HBS1L: variants seen among roughly 807,000 people sequenced by gnomAD.
HBS1L encodes the protein HBS1-like protein.
HBS1L carries 55 observed loss-of-function variants against 88.9 expected under a neutral mutation model. The observed-to-expected ratio is 0.62, with a 90% confidence interval of 0.50 to 0.77. The LOEUF is 0.77. Ranked by LOEUF, HBS1L falls within the 30% of genes least tolerant of loss-of-function variation. The pLI, the probability that HBS1L is intolerant of heterozygous loss-of-function variation, is 0.00. For synonymous variants in HBS1L, 267 were observed against 288.5 expected (o/e 0.93, Z 0.76); for missense variants, 741 against 829.3 (o/e 0.89, Z 1.31).
intron 4 of HBS1L, chr6:135,036,533 C>T (rs1343871574): frequency 6.3e-6 from 9 of 1,438,934 alleles, no homozygotes; most frequent in African/African-American, 1.4e-5. Context: ...AGCTCTACAA[C>T]AGCAATCAAG....
intron 2 of HBS1L, among the ~76,000 whole-genome samples, chr6:135,048,341 A>G (rs1583162904): frequency 6.6e-6 from 1 of 152,102 alleles, no homozygotes; most frequent in Non-Finnish European, 1.5e-5. Context: ...AGACAACACG[A>G]CCAGCCAGTA....
chr6:135,002,601 C>T (rs1396348897), intron 5 of HBS1L, 133 bp downstream of exon 5: 7 of 588,802 alleles, frequency 1.2e-5, no homozygotes. Flanking sequence ...CTATGTTATA[C>T]TGAGGATATA....
intron 1 of HBS1L, among the ~76,000 whole-genome samples, chr6:135,053,497 T>C (rs1032821057): frequency 2.0e-5 from 3 of 152,182 alleles, no homozygotes; most frequent in Admixed American, 6.5e-5. Context: ...TCTAAAGTCA[T>C]TTCTTAGGTG....
In HBS1L at chr6:134,978,668, T is replaced by C. The variant is rs1383902434; in HGVS notation, c.1797+11A>G. On this transcript the variant is annotated intron_variant, in intron 15 of 17. Transcript: ENST00000367837. The stretch of plus-strand genomic sequence containing the variant: ...ATAAAAACAGGAATAATAAAACATT[T>C]TGGAACTTACAGGAAATCCTTTAGT... 7.1e-7 allele frequency: 1 copy of C among 1,412,114 alleles called. No individual in the cohort carries two copies. Among genetic ancestry groups the C allele is most frequent in the East Asian group, 2.3e-5 (1 of 43,572 alleles). 87.5% of individuals were successfully genotyped at this position (1,412,114 alleles called of 1,614,324 possible).
intron 12 of HBS1L, chr6:134,983,365 CA>C (rs1395946422): frequency 6.6e-6 from 1 of 151,972 alleles, no homozygotes; most frequent in African/African-American, 2.4e-5. Context: ...GAGGCTGATA[CA>C]AATGCACAAA....
At chr6:135,051,938 G>T (rs1041480) in intron 1 of HBS1L, among the ~76,000 whole-genome samples, 70,912 of 152,036 alleles carry the variant, frequency 0.47, 16,870 homozygotes, top group South Asian at 0.56. Context: ...ACAAGATAAT[G>T]GGCAATTACA....
In HBS1L at chr6:135,036,519, A is replaced by G; in HGVS notation, c.430+3054T>C. 3.5e-6 allele frequency: 5 copies of G among 1,409,646 alleles called. No individual in the cohort carries two copies. The East Asian group carries it at 1.3e-4, about 36-fold the overall frequency. The allele number at this position is 1,409,646 out of a possible 1,614,324, so 87.3% of individuals were successfully genotyped here. ...TCCTCTGAAGACTTTAATTAAAAAT[A>G]AAAAGCTCTACAACAGCAATCAAGT... On this transcript the variant is annotated intron_variant, in intron 4 of 17. Coordinates refer to ENST00000367837, the MANE Select transcript of HBS1L (RefSeq NM_006620.4).
intron 9 of HBS1L, among the ~76,000 whole-genome samples, chr6:134,987,239 G>A (rs1481027024): frequency 6.6e-6 from 1 of 151,804 alleles, no homozygotes; most frequent in East Asian, 1.9e-4. Context: ...AAAAGCAGAT[G>A]ATAAAACAGA....
rs894949535 is a variant in HBS1L at position 134,964,751 on chromosome 6, G to C, written c.*528C>G. Reference sequence around the variant, plus strand: ...TTTCACAAGTTTACTTGTTTGGGGAGGGACATTCTTATGGTCACCACAAAA... The same window carrying C: ...TTTCACAAGTTTACTTGTTTGGGGACGGACATTCTTATGGTCACCACAAAA... On this transcript the variant is annotated 3_prime_UTR_variant, in exon 18 of 18. Coordinates refer to ENST00000367837, the MANE Select transcript of HBS1L (RefSeq NM_006620.4). The C allele has an allele frequency of 2.7e-5, 4 of 150,148 alleles. No individual in the cohort carries two copies. Among genetic ancestry groups the C allele is most frequent in the African/African-American group, 7.4e-5 (3 of 40,746 alleles). The allele number at this position is 150,148 out of a possible 1,614,324, so 9.3% of individuals were successfully genotyped here.
intron 7 of HBS1L, among the ~76,000 whole-genome samples, chr6:134,994,294 G>A (rs139624826): frequency 6.6e-6 from 1 of 151,938 alleles, no homozygotes; most frequent in Non-Finnish European, 1.5e-5. Context: ...TTATAGAAAT[G>A]AGCTTATAAA....
chr6:135,033,510 G>A (rs1232272551), intron 4 of HBS1L, among the ~76,000 whole-genome samples: 1 of 152,158 alleles, frequency 6.6e-6, no homozygotes, highest in Non-Finnish European at 1.5e-5. Context: ...TCATGTACAT[G>A]CCTGACAGAC....
intron 4 of HBS1L, among the ~76,000 whole-genome samples, chr6:135,039,322 A>C (rs1402334928): frequency 6.8e-6 from 1 of 146,676 alleles, no homozygotes; most frequent in Non-Finnish European, 1.6e-5. Flanking sequence ...TGTCTCAAAA[A>C]ACAAACAAAA....
In HBS1L at chr6:134,964,091, T is replaced by C. The variant is rs977453893; in HGVS notation, c.*1188A>G. ...TGCCTACTTTACCATACAGATGTTATTGCTTATGTTCAAAATGTCAGGTTC... is the reference window on the plus strand; with the variant it reads ...TGCCTACTTTACCATACAGATGTTACTGCTTATGTTCAAAATGTCAGGTTC... On this transcript the variant is annotated 3_prime_UTR_variant, in exon 18 of 18. Coordinates refer to ENST00000367837, the MANE Select transcript of HBS1L (RefSeq NM_006620.4). The C allele has an allele frequency of 1.3e-5, 2 of 152,210 alleles. No homozygotes were observed. The highest frequency in any genetic ancestry group is 2.4e-5 in the African/African-American group (1 of 41,450). 9.4% of individuals were successfully genotyped at this position (152,210 alleles called of 1,614,324 possible). A position where few individuals can be genotyped will look rare whatever the true frequency, so the allele number is the denominator to read the frequency against.
intron 3 of HBS1L, among the ~76,000 whole-genome samples, chr6:135,041,260 C>G (rs988233438): frequency 2.6e-5 from 4 of 151,916 alleles, no homozygotes; most frequent in Non-Finnish European, 5.9e-5. Context: ...CTTTTAAAGG[C>G]TAATAAGCTA....
chr6:135,016,882 G>C (rs1011898655), intron 4 of HBS1L, among the ~76,000 whole-genome samples: 2 of 150,514 alleles, frequency 1.3e-5, no homozygotes, highest in African/African-American at 4.9e-5. Context: ...GGGAGGAACA[G>C]GTAGATTAAA....
At chr6:135,040,409 T>C (rs1776698085) in intron 3 of HBS1L, among the ~76,000 whole-genome samples, 2 of 147,200 alleles carry the variant, frequency 1.4e-5, no homozygotes, top group African/African-American at 5.1e-5. Context: ...GGAATGCCAG[T>C]GGCGTGATCT....
At chr6:135,038,415 G>A (rs1216678327) in intron 4 of HBS1L, among the ~76,000 whole-genome samples, 1 of 152,070 alleles carries the variant, frequency 6.6e-6, no homozygotes, top group Non-Finnish European at 1.5e-5. Context: ...GTATTTTAAT[G>A]TATTAGAAAC....
intron 2 of HBS1L, among the ~76,000 whole-genome samples, chr6:135,043,027 C>G (rs1776794216): frequency 2.0e-5 from 3 of 152,186 alleles, no homozygotes; most frequent in Admixed American, 2.0e-4. Context: ...TACTGCCAAA[C>G]ATCATCACTC....
At chr6:135,036,423 G>T (rs550600590) in intron 4 of HBS1L, 15 of 1,337,956 alleles carry the variant, frequency 1.1e-5, no homozygotes, top group Non-Finnish European at 1.2e-5. Context: ...GCAAAAATAC[G>T]TATCAACTAA....
Sources: gnomAD v4.1 joint callset for allele counts (sites outside exome capture counted in the v4.1 genomes callset) on GRCh38, gnomAD v4.1.1 for gene constraint, MANE v1.5 for transcripts, NCBI Gene and HGNC (gene_info 2026-07-23, HGNC 2026-07-21) for gene names.